The following LUZP2 variants were observed in gnomAD, a reference collection of about 807,000 sequenced individuals.
LUZP2 encodes leucine zipper protein 2.
LUZP2 carries 52 observed loss-of-function variants against 51.6 expected under a neutral mutation model. The observed-to-expected ratio is 1.01, with a 90% CI of 0.81 to 1.27. The LOEUF (loss-of-function observed/expected upper bound fraction) is 1.27. Among genes scored for constraint, LUZP2 ranks in the 50% most tolerant of loss-of-function variants. The probability of loss-of-function intolerance (pLI) is 0.00; values close to 1 mark genes in which losing one functional copy is unlikely to be tolerated. For synonymous variants in LUZP2, 154 were observed against 137.3 expected, an observed-to-expected ratio of 1.12 and a Z score of -0.85; for missense variants, 436 against 395.4, an observed-to-expected ratio of 1.10 and a Z score of -0.87.
chr11:24,530,762 C>CTTTTTTTTTTTT (rs367857815), intron 1 of LUZP2, among the ~76,000 whole-genome samples: 62 of 75,328 alleles, frequency 8.2e-4, no homozygotes, highest in East Asian at 2.2e-3. Context: ...CTTCTTCTTA[C>CTTTTTTTTTTTT]TTTTTTTTTT....
At position 24,926,345 on chromosome 11, in the gene LUZP2, G is replaced by GTATATATATACATGTGTA. The variant is rs1554940465; in HGVS notation, c.522+11818_522+11819insATGTGTATATATATATAC. Among the ~76,000 whole-genome samples, 13 of 44,960 alleles carry GTATATATATACATGTGTA rather than the reference G, an allele frequency of 2.9e-4. 1 individual carries two copies. Among genetic ancestry groups the GTATATATATACATGTGTA allele is most frequent in the African/African-American group, 8.9e-4 (8 of 8,970 alleles). The allele number at this position is 44,960 out of a possible 152,430, so 29.5% of individuals were successfully genotyped here. A position where few individuals can be genotyped will look rare whatever the true frequency, so the allele number is the denominator to read the frequency against. ...CGTGTGTGTATATATATATACGTGTGTATATATATACGTGTGTATATATAT... is the reference window on the plus strand; with the variant it reads ...CGTGTGTGTATATATATATACGTGTGTATATATATACATGTGTATATATATATACGTGTGTATATATAT... On this transcript the variant is annotated intron_variant, in intron 7 of 11. Transcript: ENST00000336930.
chr11:24,984,620 G>A (rs1340783472), intron 9 of LUZP2, among the ~76,000 whole-genome samples: 1 of 144,882 alleles, frequency 6.9e-6, no homozygotes, highest in Non-Finnish European at 1.5e-5. Context: ...ACTAGAAAAA[G>A]GTTAAAAATA....
At chr11:24,999,328 G>T (rs1036884622) in intron 9 of LUZP2, among the ~76,000 whole-genome samples, 2 of 151,744 alleles carry the variant, frequency 1.3e-5, no homozygotes, top group African/African-American at 4.8e-5. Flanking sequence ...GGAAGAAGAA[G>T]GGGAAGAAGA....
chr11:24,897,283 G>C (rs2133770792), intron 5 of LUZP2, among the ~76,000 whole-genome samples: 1 of 152,320 alleles, frequency 6.6e-6, no homozygotes, highest in Admixed American at 6.5e-5. Flanking sequence ...GTCAGAAAAG[G>C]GAATAAAAGC....
At chr11:24,956,923 T>C (rs894543058) in intron 7 of LUZP2, among the ~76,000 whole-genome samples, 1 of 151,534 alleles carries the variant, frequency 6.6e-6, no homozygotes, top group African/African-American at 2.4e-5. Flanking sequence ...ATTCATGGAA[T>C]AAAAAAAAAT....
intron 2 of LUZP2, among the ~76,000 whole-genome samples, chr11:24,731,483 G>A (rs12277709): frequency 0.05 from 7,640 of 151,736 alleles, 494 homozygotes; most frequent in African/African-American, 0.15. Context: ...AAGCTCAGGA[G>A]ACTTTTCTGC....
At chr11:24,793,549 T>G (rs1849463844) in intron 5 of LUZP2, among the ~76,000 whole-genome samples, 1 of 152,130 alleles carries the variant, frequency 6.6e-6, no homozygotes, top group Admixed American at 6.6e-5. Context: ...AAATTGCACC[T>G]GACAAAATTA....
chr11:24,547,563 A>G (rs1331795420), intron 1 of LUZP2, among the ~76,000 whole-genome samples: 2 of 152,164 alleles, frequency 1.3e-5, no homozygotes, highest in Non-Finnish European at 2.9e-5. Flanking sequence ...ATGTAATACA[A>G]AAATCTACTT....
Position 24,617,858 on chromosome 11 carries a change from A to G in LUZP2, c.63-111311A>G, listed in dbSNP as rs78472128. ...AGTAATAATAATAACAATAATAAAT[A>G]AATAAATAAATTAAATAAAACACCT... On this transcript the variant is annotated intron_variant, in intron 1 of 11. Coordinates refer to ENST00000336930, the MANE Select transcript of LUZP2 (RefSeq NM_001009909.4). Among the ~76,000 whole-genome samples, 4 of 151,950 alleles carry G rather than the reference A, an allele frequency of 2.6e-5. No homozygotes were observed. The South Asian group carries it at 8.3e-4, about 32-fold the overall frequency.
rs916944064 is a variant in LUZP2 at position 25,082,051 on chromosome 11, C to T, written c.*3393C>T. 2 of 152,350 alleles carry T rather than the reference C, an allele frequency of 1.3e-5. No homozygotes were observed. The highest frequency in any genetic ancestry group is 4.8e-5 in the African/African-American group (2 of 41,420). 9.4% of individuals were successfully genotyped at this position (152,350 alleles called of 1,614,324 possible). Reference sequence around the variant, plus strand: ...TCCTAAAATGCATTAAACTTGAATGCTGTGTCTATCCAATGCCAAAATGCT... The same window carrying T: ...TCCTAAAATGCATTAAACTTGAATGTTGTGTCTATCCAATGCCAAAATGCT... On this transcript the variant is annotated 3_prime_UTR_variant, in exon 12 of 12. Transcript: ENST00000336930.
intron 9 of LUZP2, among the ~76,000 whole-genome samples, chr11:25,000,997 G>A (rs1233081445): frequency 6.6e-6 from 1 of 152,160 alleles, no homozygotes; most frequent in East Asian, 1.9e-4. Context: ...AACCCTATAA[G>A]TAGAGGTATT....
chr11:25,012,686 G>A (rs1857019183), intron 9 of LUZP2, among the ~76,000 whole-genome samples: 2 of 152,096 alleles, frequency 1.3e-5, no homozygotes, highest in African/African-American at 4.8e-5. Context: ...TCTTATCCCA[G>A]TCAGAATGAC....
chr11:24,729,996 A>G (rs2716464), intron 2 of LUZP2, among the ~76,000 whole-genome samples: 113,988 of 151,632 alleles, frequency 0.75, 43,744 homozygotes, highest in African/African-American at 0.88. Context: ...CATGTAGACA[A>G]TCTAGCTCCA....
intron 1 of LUZP2, among the ~76,000 whole-genome samples, chr11:24,574,813 A>G (rs1355144684): frequency 6.6e-6 from 1 of 152,108 alleles, no homozygotes; most frequent in Non-Finnish European, 1.5e-5. Flanking sequence ...ATTATTTGGT[A>G]AAGACTTTGC....
intron 1 of LUZP2, among the ~76,000 whole-genome samples, chr11:24,724,046 T>G (rs1021514095): frequency 2.6e-5 from 4 of 152,092 alleles, no homozygotes; most frequent in Admixed American, 2.6e-4. Context: ...AGGGTAAAGG[T>G]AATGAATGGG....
chr11:25,065,088 T>C (rs1858960623), intron 10 of LUZP2, among the ~76,000 whole-genome samples: 1 of 152,026 alleles, frequency 6.6e-6, no homozygotes, highest in African/African-American at 2.4e-5. Context: ...ACTTAGTGAA[T>C]TCTTTCTTAA....
At chr11:24,694,143 A>G (rs1857165462) in intron 1 of LUZP2, among the ~76,000 whole-genome samples, 1 of 152,050 alleles carries the variant, frequency 6.6e-6, no homozygotes, top group South Asian at 2.1e-4. Flanking sequence ...TAAATATTCT[A>G]AAAGCTCTAA....
rs373467601 is a variant in LUZP2, at chr11:24,912,883, T to C, written c.460-1593T>C. Among the ~76,000 whole-genome samples the C allele has an allele frequency of 7.2e-5, 11 of 152,202 alleles. No homozygotes were observed. In the East Asian group the frequency reaches 1.4e-3, roughly 19 times the overall value. On this transcript the variant is annotated intron_variant, in intron 6 of 11. Transcript: ENST00000336930. ...TGCAGTTGGTTCAGTGGAAAACATA[T>C]ACATGCATTGTAAGCTTGGAAAATT...
chr11:24,542,814 TTA>T (rs1034151353), intron 1 of LUZP2, among the ~76,000 whole-genome samples: 1 of 152,042 alleles, frequency 6.6e-6, no homozygotes, highest in African/African-American at 2.4e-5. Flanking sequence ...AAGACTACAT[TTA>T]TGTATCAGCG....
Sources: allele counts gnomAD v4.1 joint callset (sites outside exome capture counted in the v4.1 genomes callset), GRCh38; gene constraint gnomAD v4.1.1; transcripts MANE v1.5; gene names NCBI Gene and HGNC (gene_info 2026-07-23, HGNC 2026-07-21).